Variants in OPCML observed in about 807,000 individuals in gnomAD.
OPCML encodes the protein opioid-binding protein/cell adhesion molecule.
OPCML carries 13 observed loss-of-function variants against 37.8 expected under a neutral mutation model. The ratio of observed to expected loss-of-function variants is 0.34; its 90% confidence interval spans 0.22 to 0.55. The LOEUF (loss-of-function observed/expected upper bound fraction) is 0.55. Ranked by LOEUF, OPCML falls within the 20% of genes least tolerant of loss-of-function variation. The pLI, the probability that OPCML is intolerant of heterozygous loss-of-function variation, is 0.91. For synonymous variants in OPCML, 176 were observed against 168.8 expected, an observed-to-expected ratio of 1.04 and a Z score of -0.33; for missense variants, 341 against 435.6, an observed-to-expected ratio of 0.78 and a Z score of 1.93.
chr11:133,388,311 G>A (rs1945100897), intron 1 of OPCML, among the ~76,000 whole-genome samples: 1 of 152,150 alleles, frequency 6.6e-6, no homozygotes, highest in Non-Finnish European at 1.5e-5. Context: ...TCTCCCACTT[G>A]CTTCATTTTG....
At chr11:132,967,313 TTTTG>T (rs1946237887) in intron 1 of OPCML, among the ~76,000 whole-genome samples, 1 of 152,108 alleles carries the variant, frequency 6.6e-6, no homozygotes, top group Admixed American at 6.5e-5. Context: ...TTTTCCCACA[TTTTG>T]TTTCTTATAC....
chr11:133,140,897 AC>A (rs1218834242), intron 1 of OPCML, among the ~76,000 whole-genome samples: 4 of 24,562 alleles, frequency 1.6e-4, no homozygotes, highest in African/African-American at 2.9e-4. Context: ...GACGACGAAG[AC>A]GACGACGACG....
chr11:133,468,224 C>T (rs993428576), intron 1 of OPCML, among the ~76,000 whole-genome samples: 8 of 152,226 alleles, frequency 5.3e-5, no homozygotes, highest in African/African-American at 1.7e-4. Flanking sequence ...TCCAGGGTCC[C>T]ATGGCAGGGT....
At chr11:132,570,834 G>A (rs910316340) in intron 3 of OPCML, among the ~76,000 whole-genome samples, 2 of 123,214 alleles carry the variant, frequency 1.6e-5, no homozygotes, top group Non-Finnish European at 3.3e-5. Context: ...ATATACTTTA[G>A]GCATGTTGAT....
chr11:132,954,941 C>G (rs1057186554), intron 1 of OPCML, among the ~76,000 whole-genome samples: 3 of 152,142 alleles, frequency 2.0e-5, no homozygotes, highest in African/African-American at 7.2e-5. Flanking sequence ...CTAGCGGCAT[C>G]CACTACGAGA....
intron 1 of OPCML, among the ~76,000 whole-genome samples, chr11:133,494,541 A>C (rs1363216691): frequency 8.1e-5 from 12 of 147,302 alleles, no homozygotes; most frequent in African/African-American, 2.9e-4. Context: ...CTATGCAGCC[A>C]TAAAAAATGA....
intron 1 of OPCML, among the ~76,000 whole-genome samples, chr11:132,968,006 G>T (rs1012608245): frequency 2.0e-5 from 3 of 152,124 alleles, no homozygotes; most frequent in African/African-American, 7.2e-5. Context: ...ATACATTATT[G>T]TCACCTACAG....
intron 1 of OPCML, among the ~76,000 whole-genome samples, chr11:133,374,478 A>G (rs1025067789): frequency 6.6e-6 from 1 of 152,178 alleles, no homozygotes; most frequent in Non-Finnish European, 1.5e-5. Flanking sequence ...TGTGTCCATT[A>G]TATCTCATAT....
intron 2 of OPCML, among the ~76,000 whole-genome samples, chr11:132,685,367 G>A (rs1211080092): frequency 6.6e-6 from 1 of 152,150 alleles, no homozygotes; most frequent in African/African-American, 2.4e-5. Flanking sequence ...TGAGTTCTTT[G>A]GAAATTAATC....
At chr11:133,245,444 G>A (rs781438040) in intron 1 of OPCML, among the ~76,000 whole-genome samples, 16 of 152,158 alleles carry the variant, frequency 1.1e-4, no homozygotes, top group Non-Finnish European at 2.2e-4. Context: ...CTTCTGAATG[G>A]TGAGAGAAGC....
intron 2 of OPCML, among the ~76,000 whole-genome samples, chr11:132,804,507 T>C (rs1187610538): frequency 1.3e-5 from 2 of 152,040 alleles, no homozygotes; most frequent in African/African-American, 2.4e-5. Context: ...AAGCAGAACA[T>C]AGCTACTAAA....
intron 2 of OPCML, among the ~76,000 whole-genome samples, chr11:132,774,301 T>C (rs1946741606): frequency 6.6e-6 from 1 of 152,250 alleles, no homozygotes; most frequent in Non-Finnish European, 1.5e-5. Flanking sequence ...TCTTCTTAAC[T>C]CTATTAATTT....
intron 2 of OPCML, among the ~76,000 whole-genome samples, chr11:132,794,001 G>A (rs1388056778): frequency 6.6e-6 from 1 of 152,202 alleles, no homozygotes; most frequent in Non-Finnish European, 1.5e-5. Flanking sequence ...AGGTGCTCAG[G>A]CACCAGTTTC....
intron 1 of OPCML, among the ~76,000 whole-genome samples, chr11:133,362,429 G>C (rs965676075): frequency 9.9e-5 from 15 of 152,158 alleles, no homozygotes; most frequent in African/African-American, 3.6e-4. Context: ...ACAGGACCAG[G>C]AGCCCATCCA....
intron 1 of OPCML, among the ~76,000 whole-genome samples, chr11:133,400,626 T>C (rs914501842): frequency 6.6e-6 from 1 of 152,192 alleles, no homozygotes; most frequent in Admixed American, 6.5e-5. Context: ...GTTACCACAA[T>C]AATAAATTTA....
At chr11:132,629,947 C>G (rs1939990646) in intron 3 of OPCML, among the ~76,000 whole-genome samples, 2 of 152,108 alleles carry the variant, frequency 1.3e-5, no homozygotes. Context: ...ATAAAATAAT[C>G]TAATCCACTT....
At chr11:132,566,971 G>GTTT (rs71232598) in intron 3 of OPCML, among the ~76,000 whole-genome samples, 120 of 144,590 alleles carry the variant, frequency 8.3e-4, no homozygotes, top group African/African-American at 2.5e-3. Context: ...CATCAGTTAG[G>GTTT]TTTTTTTTTT....
At chr11:132,769,541 A>T (rs1946569135) in intron 2 of OPCML, among the ~76,000 whole-genome samples, 1 of 152,168 alleles carries the variant, frequency 6.6e-6, no homozygotes, top group African/African-American at 2.4e-5. Flanking sequence ...ATTGTCAAAA[A>T]CAAAAGCAAT....
chr11:132,964,839 C>A (rs1946178709), intron 1 of OPCML, among the ~76,000 whole-genome samples: 1 of 152,088 alleles, frequency 6.6e-6, no homozygotes, highest in Admixed American at 6.6e-5. Context: ...CTGTTATACG[C>A]CAATTTTGAA....
Sources: gnomAD v4.1 joint callset for allele counts (sites outside exome capture counted in the v4.1 genomes callset) on GRCh38, gnomAD v4.1.1 for gene constraint, MANE v1.5 for transcripts, NCBI Gene and HGNC (gene_info 2026-07-23, HGNC 2026-07-21) for gene names.